The following IL1RAPL1 variants were observed in gnomAD, a reference collection of about 807,000 sequenced individuals.
IL1RAPL1 encodes the protein interleukin-1 receptor accessory protein-like 1.
In IL1RAPL1, 3 loss-of-function variants were observed where a neutral mutation model predicts 48.4. That is an observed-to-expected ratio of 0.06 (90% CI 0.03 to 0.16). The LOEUF (loss-of-function observed/expected upper bound fraction) is 0.16. IL1RAPL1 is among the 10% of genes least tolerant of loss of function. The probability of loss-of-function intolerance (pLI) is 1.00; values close to 1 mark genes in which losing one functional copy is unlikely to be tolerated. For missense variants in IL1RAPL1, 349 were observed against 530.6 expected, an observed-to-expected ratio of 0.66 and a Z score of 3.36; for synonymous variants, 185 against 187.7, an observed-to-expected ratio of 0.99 and a Z score of 0.12.
intron 5 of IL1RAPL1, among the ~76,000 whole-genome samples, chrX:29,499,824 T>C (rs1419427057): frequency 8.9e-6 from 1 of 111,906 alleles, no homozygotes; most frequent in Non-Finnish European, 1.9e-5. Context: ...TTTATTGATA[T>C]ATAATATCTG....
intron 2 of IL1RAPL1, among the ~76,000 whole-genome samples, chrX:28,851,154 A>G (rs775239125): frequency 9.3e-6 from 1 of 106,975 alleles, no homozygotes; most frequent in East Asian, 2.9e-4. Context: ...AAGACGTGAC[A>G]CCCTGCTATT....
At position 29,024,982 on chromosome X, in the gene IL1RAPL1, G is replaced by A. The variant is rs191928166; in HGVS notation, c.82+235557G>A. ...CATTTCTCTCCTCCCTCTCTGCCCA[G>A]CCCTAGGCAACCACTAATCCAGTTT... On this transcript the variant is annotated intron_variant, in intron 2 of 10. Transcript: ENST00000378993. Among the ~76,000 whole-genome samples the A allele has an allele frequency of 6.3e-5, 7 of 111,269 alleles. No individual in the cohort carries two copies. In the East Asian group the frequency reaches 2.0e-3, roughly 31 times the overall value.
In IL1RAPL1 at chrX:28,719,767, C is replaced by T. The variant is rs143361338; in HGVS notation, c.-24-69553C>T. 4.0e-4 allele frequency among the ~76,000 whole-genome samples: 44 copies of T among 111,038 alleles called. No homozygotes were observed. The East Asian group carries it at 0.011, about 27-fold the overall frequency. On this transcript the variant is annotated intron_variant, in intron 1 of 10. Transcript: ENST00000378993. ...CTTTTTGAACAGTAGAAAGGTGTTA[C>T]ATCTTGTTGCTGCCAAGTGGAGCAG...
intron 3 of IL1RAPL1, among the ~76,000 whole-genome samples, chrX:29,287,578 G>A (rs1028574968): frequency 8.9e-6 from 1 of 112,004 alleles, no homozygotes; most frequent in African/African-American, 3.2e-5. Context: ...CAGCATTTGC[G>A]ATTGTCACTA....
intron 2 of IL1RAPL1, among the ~76,000 whole-genome samples, chrX:28,862,386 G>A (rs1921969569): frequency 8.9e-6 from 1 of 111,955 alleles, no homozygotes; most frequent in South Asian, 3.7e-4. Context: ...TGATTTATAA[G>A]CAGATATAAC....
chrX:29,219,026 T>C (rs1602118076), intron 2 of IL1RAPL1, among the ~76,000 whole-genome samples: 2 of 112,402 alleles, frequency 1.8e-5, no homozygotes, highest in Admixed American at 9.4e-5. Flanking sequence ...GTTGATGATA[T>C]GAAATGCGGT....
intron 6 of IL1RAPL1, among the ~76,000 whole-genome samples, chrX:29,809,569 C>CT (rs960269764): frequency 8.9e-4 from 97 of 109,593 alleles, no homozygotes; most frequent in African/African-American, 2.8e-3. Context: ...TTTTAGTCAT[C>CT]TTTTTTTTTC....
chrX:29,645,765 G>A (rs1925303225), intron 5 of IL1RAPL1, among the ~76,000 whole-genome samples: 1 of 111,737 alleles, frequency 8.9e-6, no homozygotes, highest in South Asian at 3.7e-4. Context: ...CTCCAATGCT[G>A]CACCAACATT....
chrX:28,794,241 G>T (rs972161894), intron 2 of IL1RAPL1, among the ~76,000 whole-genome samples: 1 of 111,013 alleles, frequency 9.0e-6, no homozygotes, highest in Non-Finnish European at 1.9e-5. Context: ...TGTTTTCATG[G>T]GCTTGAAATG....
Position 29,853,459 on chromosome X carries a change from T to TA in IL1RAPL1, c.779-63998dup, listed in dbSNP as rs1309731085. 5.4e-5 allele frequency among the ~76,000 whole-genome samples: 6 copies of TA among 110,988 alleles called. No individual in the cohort carries two copies. The East Asian group carries it at 1.1e-3, about 21-fold the overall frequency. On this transcript the variant is annotated intron_variant, in intron 6 of 10. Transcript: ENST00000378993. ...GGCAAAAGAACAAGACCCTGTCTCA[T>TA]AAAAAAACAAAATCTAAGACACAAC...
chrX:29,058,476 G>A (rs73210013), intron 2 of IL1RAPL1, among the ~76,000 whole-genome samples: 4,652 of 111,912 alleles, frequency 0.042, 87 homozygotes, highest in Middle Eastern at 0.074. Context: ...ATTATGAATT[G>A]CAGTTCCAAT....
chrX:29,491,631 G>A, intron 5 of IL1RAPL1, among the ~76,000 whole-genome samples: 1 of 112,169 alleles, frequency 8.9e-6, no homozygotes. Context: ...TCATCTAGCA[G>A]TATTTAATTG....
chrX:28,845,316 T>G (rs1921480934), intron 2 of IL1RAPL1, among the ~76,000 whole-genome samples: 1 of 111,684 alleles, frequency 9.0e-6, no homozygotes, highest in Non-Finnish European at 1.9e-5. Flanking sequence ...GTATTAAATA[T>G]TGTTAGATTT....
chrX:29,738,670 G>A (rs1928118622), intron 6 of IL1RAPL1, among the ~76,000 whole-genome samples: 1 of 110,220 alleles, frequency 9.1e-6, no homozygotes, highest in African/African-American at 3.3e-5. Context: ...GAACTCCTGG[G>A]CTTAAGTGAT....
At chrX:29,069,132 T>A (rs1304376766) in intron 2 of IL1RAPL1, among the ~76,000 whole-genome samples, 1 of 111,837 alleles carries the variant, frequency 8.9e-6, no homozygotes, top group Non-Finnish European at 1.9e-5. Context: ...GCTTTAATGA[T>A]GTCCATACTG....
chrX:29,307,458 TAAAG>T (rs759933862), intron 3 of IL1RAPL1, among the ~76,000 whole-genome samples: 32 of 110,029 alleles, frequency 2.9e-4, no homozygotes, highest in Non-Finnish European at 4.9e-4. Context: ...TTTAATAAAA[TAAAG>T]AGATGATGAA....
rs183539433 is a variant in IL1RAPL1 at position 28,885,942 on chromosome X, A to C, written c.82+96517A>C. On this transcript the variant is annotated intron_variant, in intron 2 of 10. Coordinates refer to ENST00000378993, the MANE Select transcript of IL1RAPL1 (RefSeq NM_014271.4). ...TTTTACTTTTAAAAAATTGCTATTG[A>C]ATTTTTTCAGTTAAATAGTAACAAA... 8.1e-5 allele frequency among the ~76,000 whole-genome samples: 9 copies of C among 111,503 alleles called. No homozygotes were observed. The East Asian group carries it at 2.5e-3, about 31-fold the overall frequency.
chrX:29,187,525 G>A (rs73212131), intron 2 of IL1RAPL1, among the ~76,000 whole-genome samples: 6,566 of 111,227 alleles, frequency 0.059, 240 homozygotes, highest in African/African-American at 0.13. Context: ...CCTGAGTATA[G>A]GGAAGGTAAA....
intron 5 of IL1RAPL1, among the ~76,000 whole-genome samples, chrX:29,570,945 G>T (rs1199858438): frequency 8.9e-6 from 1 of 112,648 alleles, no homozygotes; most frequent in Non-Finnish European, 1.9e-5. Context: ...TGTCTAGCCA[G>T]GCGCGGTGGC....
Sources: gnomAD v4.1 joint callset for allele counts (sites outside exome capture counted in the v4.1 genomes callset) on GRCh38, gnomAD v4.1.1 for gene constraint, MANE v1.5 for transcripts, NCBI Gene and HGNC (gene_info 2026-07-23, HGNC 2026-07-21) for gene names.